Variants in COL24A1 observed in about 807,000 individuals in gnomAD.
COL24A1 encodes the protein collagen alpha-1(XXIV) chain.
A neutral mutation model predicts 253.9 loss-of-function variants in COL24A1; 224 were observed. The ratio of observed to expected loss-of-function variants is 0.88; its 90% confidence interval spans 0.79 to 0.99. The LOEUF (loss-of-function observed/expected upper bound fraction) is 0.99, where lower values mean the gene tolerates loss of function less well. Ranked by LOEUF, COL24A1 falls within the 50% of genes least tolerant of loss-of-function variation. The pLI is 0.00. For synonymous variants in COL24A1, 685 were observed against 673.7 expected (o/e 1.02, Z -0.26); for missense variants, 2,131 against 2,068.5 (o/e 1.03, Z -0.59).
At chr1:86,001,058 T>C (rs1425532363) in intron 19 of COL24A1, among the ~76,000 whole-genome samples, 1 of 152,174 alleles carries the variant, frequency 6.6e-6, no homozygotes, top group Non-Finnish European at 1.5e-5. Flanking sequence ...AATAAATCTA[T>C]GTATTAAGGC....
At chr1:86,073,120 T>G (rs544402691) in intron 7 of COL24A1, among the ~76,000 whole-genome samples, 1 of 152,224 alleles carries the variant, frequency 6.6e-6, no homozygotes, top group African/African-American at 2.4e-5. Flanking sequence ...GGATGGAGAA[T>G]GAGTTTGACA....
At chr1:86,084,143 A>T (rs1217425444) in intron 7 of COL24A1, among the ~76,000 whole-genome samples, 1 of 152,228 alleles carries the variant, frequency 6.6e-6, no homozygotes, top group African/African-American at 2.4e-5. Context: ...AAATTGAGAA[A>T]TAGTGATAAA....
intron 47 of COL24A1, among the ~76,000 whole-genome samples, chr1:85,811,405 A>T (rs1480887576): frequency 2.0e-5 from 3 of 152,156 alleles, no homozygotes; most frequent in Non-Finnish European, 2.9e-5. Context: ...AAATTTATTT[A>T]AAAAAATCTT....
intron 53 of COL24A1, among the ~76,000 whole-genome samples, chr1:85,768,588 G>GC (rs1558048473): frequency 2.3e-5 from 1 of 43,166 alleles, no homozygotes; most frequent in African/African-American, 6.5e-5. Context: ...TCTTTTGTGC[G>GC]GGGGGAGGGC....
intron 21 of COL24A1, 75 bp downstream of exon 21, chr1:85,971,265 G>T: frequency 1.7e-6 from 2 of 1,166,576 alleles, no homozygotes; most frequent in Non-Finnish European, 2.5e-6. Context: ...AAAACTGAAG[G>T]CCCACAATAA....
chr1:85,919,859 G>A (rs1686271151), intron 24 of COL24A1, among the ~76,000 whole-genome samples: 1 of 152,150 alleles, frequency 6.6e-6, no homozygotes, highest in African/African-American at 2.4e-5. Context: ...GGCAGTTAGT[G>A]TTATCCTAAA....
chr1:85,976,440 C>G lies in COL24A1; in HGVS notation c.2365-5047G>C, dbSNP rs1692688680. 2.0e-5 allele frequency among the ~76,000 whole-genome samples: 3 copies of G among 152,030 alleles called. No homozygotes were observed. In the South Asian group the frequency reaches 6.2e-4, roughly 31 times the overall value. On this transcript the variant is annotated intron_variant, in intron 20 of 59. Coordinates refer to ENST00000370571, the MANE Select transcript of COL24A1 (RefSeq NM_152890.7). The stretch of plus-strand genomic sequence containing the variant: ...CCCTCTGGAACATAACCCCATTGGC[C>G]CAAGAACCACACCCCCTCCCCCACA...
intron 5 of COL24A1, among the ~76,000 whole-genome samples, chr1:86,107,207 CT>C (rs1240037593): frequency 2.6e-5 from 4 of 152,178 alleles, no homozygotes; most frequent in African/African-American, 7.2e-5. Flanking sequence ...TTGTCTCCCC[CT>C]CTACCACTTA....
chr1:85,846,465 G>A (rs1034356505), intron 39 of COL24A1, among the ~76,000 whole-genome samples: 6 of 151,608 alleles, frequency 4.0e-5, no homozygotes, highest in Admixed American at 2.6e-4. Context: ...AGAAAGAAAA[G>A]CATTTGTAAT....
chr1:85,834,993 GT>G (rs1675833952), intron 43 of COL24A1, among the ~76,000 whole-genome samples: 1 of 152,044 alleles, frequency 6.6e-6, no homozygotes, highest in Admixed American at 6.6e-5. Context: ...TATTCTCCAT[GT>G]TTTTTATATA....
chr1:86,156,122 C>T (rs1653573450), intron 1 of COL24A1: 2 of 484,286 alleles, frequency 4.1e-6, no homozygotes, highest in Non-Finnish European at 3.7e-6. Flanking sequence ...ATCGCTTTAG[C>T]ATAAACTGTC....
At chr1:85,786,686 T>C (rs1358592609) in intron 47 of COL24A1, among the ~76,000 whole-genome samples, 1 of 152,204 alleles carries the variant, frequency 6.6e-6, no homozygotes, top group East Asian at 1.9e-4. Context: ...TCTTGGGTTT[T>C]TAAAATGAAA....
chr1:85,730,812 G>T, intron 59 of COL24A1, 120 bp from the exon 60 acceptor site: 4 of 1,004,398 alleles, frequency 4.0e-6, no homozygotes, highest in Non-Finnish European at 5.9e-6. Context: ...AATAGAAAGT[G>T]CCTAGAACAA....
At chr1:85,956,561 A>C (rs1280356382) in intron 24 of COL24A1, among the ~76,000 whole-genome samples, 3 of 152,228 alleles carry the variant, frequency 2.0e-5, no homozygotes, top group East Asian at 1.9e-4. Flanking sequence ...TGGTAAATCA[A>C]ATAAGTTGGG....
chr1:85,965,350 G>A (rs1691460151), intron 22 of COL24A1, among the ~76,000 whole-genome samples: 1 of 151,860 alleles, frequency 6.6e-6, no homozygotes, highest in South Asian at 2.1e-4. Context: ...TAAAAAATAA[G>A]TAAAATATAT....
intron 24 of COL24A1, among the ~76,000 whole-genome samples, chr1:85,919,636 G>C (rs748568838): frequency 1.3e-5 from 2 of 152,166 alleles, no homozygotes; most frequent in Non-Finnish European, 2.9e-5. Context: ...AGCAATGATT[G>C]CATCACTGCA....
chr1:86,055,610 T>C (rs1700608448), intron 10 of COL24A1, among the ~76,000 whole-genome samples: 2 of 152,204 alleles, frequency 1.3e-5, no homozygotes, highest in Non-Finnish European at 2.9e-5. Context: ...TTACTAGTTA[T>C]TGAACAGAAG....
intron 24 of COL24A1, among the ~76,000 whole-genome samples, chr1:85,947,531 C>A (rs1571329237): frequency 1.3e-5 from 2 of 152,120 alleles, no homozygotes; most frequent in East Asian, 3.8e-4. Flanking sequence ...TGTTGGACTT[C>A]TCCTGTAAGT....
chr1:85,829,924 A>G (rs561789078), intron 43 of COL24A1, among the ~76,000 whole-genome samples: 2 of 151,984 alleles, frequency 1.3e-5, no homozygotes, highest in South Asian at 2.1e-4. Context: ...CTCTGAGTTC[A>G]TCAAAGTCAT....
Sources: gnomAD v4.1 joint callset for allele counts (sites outside exome capture counted in the v4.1 genomes callset) on GRCh38, gnomAD v4.1.1 for gene constraint, MANE v1.5 for transcripts, NCBI Gene and HGNC (gene_info 2026-07-23, HGNC 2026-07-21) for gene names.